The following DPP8 variants were observed in gnomAD, a reference collection of about 807,000 sequenced individuals.
DPP8 encodes the protein dipeptidyl peptidase 8.
Under a neutral mutation model 107.5 loss-of-function variants are expected in DPP8, and 31 were observed. That is an observed-to-expected ratio of 0.29 (90% CI 0.22 to 0.39). DPP8 has a LOEUF of 0.39. Among genes scored for constraint, DPP8 ranks in the 10% least tolerant of loss-of-function variants. DPP8 has a pLI of 1.00. For synonymous variants in DPP8, 381 were observed against 356.6 expected (o/e 1.07, Z -0.77); for missense variants, 842 against 1,076.1 (o/e 0.78, Z 3.04).
At chr15:65,500,825 T>C (rs754955521) in intron 3 of DPP8, 46 bp from the exon 4 acceptor site, 22 of 1,452,106 alleles carry the variant, frequency 1.5e-5, no homozygotes, top group Admixed American at 1.4e-4. Context: ...TGAAAAACCA[T>C]CTTTTGCTTT....
chr15:65,464,383 TA>T (rs980817478), intron 14 of DPP8, among the ~76,000 whole-genome samples: 1 of 142,750 alleles, frequency 7.0e-6, no homozygotes, highest in African/African-American at 2.6e-5. Flanking sequence ...ATAAATAATT[TA>T]AAAAAAACAA....
At position 65,516,057 on chromosome 15, in the gene DPP8, T is replaced by C. The variant is rs544274535; in HGVS notation, c.-12+1429A>G. 400 of 376,070 alleles carry C rather than the reference T, an allele frequency of 1.1e-3. 3 individuals are homozygous for C. Among genetic ancestry groups the C allele is most frequent in the South Asian group, 8.5e-3 (71 of 8,332 alleles). 23.3% of individuals were successfully genotyped at this position (376,070 alleles called of 1,614,324 possible). ...TTGGTGTCCAGACAAAGGAAAACCA[T>C]GGAAAGGCTTTAAAAAGTTACAAAA... On this transcript the variant is annotated intron_variant, in intron 1 of 19. Coordinates refer to ENST00000300141, the MANE Select transcript of DPP8 (RefSeq NM_130434.5).
intron 19 of DPP8, chr15:65,450,721 A>G: frequency 3.9e-6 from 1 of 253,192 alleles, no homozygotes; most frequent in East Asian, 8.7e-5. Context: ...AAAGGATAAC[A>G]GTGAATGGAC....
chr15:65,515,901 A>C, intron 1 of DPP8: 1 of 543,348 alleles, frequency 1.8e-6, no homozygotes. Context: ...CCAAAATATC[A>C]CTTTTTGGGG....
intron 3 of DPP8, among the ~76,000 whole-genome samples, chr15:65,505,987 T>C (rs1596121194): frequency 6.6e-6 from 1 of 151,822 alleles, no homozygotes; most frequent in East Asian, 1.9e-4. Flanking sequence ...ATAAAAGTTT[T>C]TTTTTTTTAA....
chr15:65,478,870 G>T lies in DPP8; in HGVS notation c.1456+10C>A. On this transcript the variant is annotated intron_variant, in intron 11 of 19. Transcript: ENST00000300141. Reference sequence around the variant, plus strand: ...TTTTTTCTTTTTTTAAAATAAAATGGATTTCTTACTTGGAGCAGGCAGCCC... The same window carrying T: ...TTTTTTCTTTTTTTAAAATAAAATGTATTTCTTACTTGGAGCAGGCAGCCC... 1 of 1,546,414 alleles carries T rather than the reference G, an allele frequency of 6.5e-7. No individual in the cohort carries two copies. Among genetic ancestry groups the T allele is most frequent in the Non-Finnish European group, 8.7e-7 (1 of 1,152,006 alleles).
At chr15:65,477,997 T>C (rs182466270) in intron 11 of DPP8, among the ~76,000 whole-genome samples, 4 of 152,344 alleles carry the variant, frequency 2.6e-5, no homozygotes, top group Admixed American at 2.0e-4. Context: ...AAAAGTGTTC[T>C]ATGTACCCAT....
In DPP8 at chr15:65,446,151, T is replaced by C. The variant is rs1158897198; in HGVS notation, c.*733A>G. 1 of 152,052 alleles carries C rather than the reference T, an allele frequency of 6.6e-6. No homozygotes were observed. The highest frequency in any genetic ancestry group is 1.5e-5 in the Non-Finnish European group (1 of 68,018). 9.4% of individuals were successfully genotyped at this position (152,052 alleles called of 1,614,324 possible). On this transcript the variant is annotated 3_prime_UTR_variant, in exon 20 of 20. Transcript: ENST00000300141. The stretch of plus-strand genomic sequence containing the variant: ...AAAATTTTCTGCCTGTAATTATCAA[T>C]ATCATGACTAATTAAATCCATGCTA...
At chr15:65,501,465 A>T (rs1274696714) in intron 3 of DPP8, among the ~76,000 whole-genome samples, 1 of 152,220 alleles carries the variant, frequency 6.6e-6, no homozygotes, top group Non-Finnish European at 1.5e-5. Context: ...TTGACCCTTC[A>T]CTAGAAGTCT....
At chr15:65,486,948 GA>G in intron 7 of DPP8, among the ~76,000 whole-genome samples, 1 of 151,714 alleles carries the variant, frequency 6.6e-6, no homozygotes, top group Middle Eastern at 3.4e-3. Flanking sequence ...CCATGTAACC[GA>G]AAACCACCTG....
In DPP8 at chr15:65,446,992, C is replaced by T. The variant is rs933547783; in HGVS notation, c.2541G>A (p.Glu847=). ...KPYDLQIYPQ[E]RHSIRVPESG... is the part of the protein sequence containing the mutation. ...ATTCAGGAACTCTTATGCTGTGTCTCTCCTGAGGATAGATCTTACCAACAA... is the reference window on the plus strand; with the variant it reads ...ATTCAGGAACTCTTATGCTGTGTCTTTCCTGAGGATAGATCTTACCAACAA... The change falls in exon 20 of 20, where the codon GAG becomes GAA. Residue 847 remains glutamate (E), a synonymous_variant. Coordinates refer to ENST00000300141, the MANE Select transcript of DPP8 (RefSeq NM_130434.5). 4 of 1,604,712 alleles carry T rather than the reference C, an allele frequency of 2.5e-6. No homozygotes were observed. In the African/African-American group the frequency reaches 5.4e-5, roughly 22 times the overall value.
chr15:65,460,358 G>T (rs1343847482), intron 15 of DPP8, among the ~76,000 whole-genome samples: 1 of 152,122 alleles, frequency 6.6e-6, no homozygotes, highest in Admixed American at 6.6e-5. Flanking sequence ...CAGGAGAATC[G>T]CTTGAACCCA....
In DPP8 at chr15:65,471,183, T is replaced by C. The variant is rs1294530883; in HGVS notation, c.1536+3026A>G. On this transcript the variant is annotated intron_variant, in intron 12 of 19. Coordinates refer to ENST00000300141, the MANE Select transcript of DPP8 (RefSeq NM_130434.5). Reference sequence around the variant, plus strand: ...CAGAACCTAGAATTCCACAATAAGATTTTTTTCTCAGGTGACAGTAATATC... The same window carrying C: ...CAGAACCTAGAATTCCACAATAAGACTTTTTTCTCAGGTGACAGTAATATC... 2.0e-5 allele frequency among the ~76,000 whole-genome samples: 3 copies of C among 152,062 alleles called. No homozygotes were observed. In the South Asian group the frequency reaches 6.2e-4, roughly 32 times the overall value.
At position 65,442,707 on chromosome 15, in the gene DPP8, C is replaced by T. The variant is rs1308333234; in HGVS notation, c.*4177G>A. 5.9e-5 allele frequency: 9 copies of T among 152,142 alleles called. 1 individual carries two copies. Among genetic ancestry groups the T allele is most frequent in the Admixed American group, 3.3e-4 (5 of 15,262 alleles). The allele number at this position is 152,142 out of a possible 1,614,324, so 9.4% of individuals were successfully genotyped here. ...ACAATATAAATTTGTTTTGGGGTTA[C>T]TTAAAAACAAACATACAAACACTAC... On this transcript the variant is annotated 3_prime_UTR_variant, in exon 20 of 20. Transcript: ENST00000300141.
intron 5 of DPP8, among the ~76,000 whole-genome samples, chr15:65,497,168 G>C (rs2068690837): frequency 6.6e-6 from 1 of 152,198 alleles, no homozygotes; most frequent in South Asian, 2.1e-4. Context: ...TGGGACTACA[G>C]GCATGAGCCA....
chr15:65,450,889 G>A lies in DPP8; in HGVS notation c.2526+110C>T, dbSNP rs2063924654. 14 of 675,068 alleles carry A rather than the reference G, an allele frequency of 2.1e-5. No individual in the cohort carries two copies. The South Asian group carries it at 2.2e-4, about 11-fold the overall frequency. The allele number at this position is 675,068 out of a possible 1,614,324, so 41.8% of individuals were successfully genotyped here. ...ATGCCTCTTACTTTAGTTCTCTTAA[G>A]CAGAGGGTGGACACTCTAAAAATCT... On this transcript the variant is annotated intron_variant, in intron 19 of 19. Coordinates refer to ENST00000300141, the MANE Select transcript of DPP8 (RefSeq NM_130434.5).
At chr15:65,486,218 A>G (rs1286435491) in intron 7 of DPP8, among the ~76,000 whole-genome samples, 1 of 151,162 alleles carries the variant, frequency 6.6e-6, no homozygotes, top group African/African-American at 2.4e-5. Flanking sequence ...CCTGGCCAAC[A>G]TGGTGAAACC....
intron 15 of DPP8, among the ~76,000 whole-genome samples, chr15:65,456,806 G>C (rs1470456460): frequency 6.6e-6 from 1 of 151,992 alleles, no homozygotes; most frequent in African/African-American, 2.4e-5. Flanking sequence ...AAGTCTACAT[G>C]GCCCTTGAGA....
chr15:65,480,112 A>G (rs1468640175), intron 10 of DPP8, 110 bp downstream of exon 10: 1 of 855,990 alleles, frequency 1.2e-6, no homozygotes, highest in African/African-American at 1.7e-5. Flanking sequence ...AAGAAATAAC[A>G]TGGTCCCTTT....
Sources: gnomAD v4.1 joint callset for allele counts (sites outside exome capture counted in the v4.1 genomes callset) on GRCh38, gnomAD v4.1.1 for gene constraint, MANE v1.5 for transcripts, NCBI Gene and HGNC (gene_info 2026-07-23, HGNC 2026-07-21) for gene names.